MYBBP1A: variants seen among roughly 807,000 people sequenced by gnomAD.
MYBBP1A encodes myb-binding protein 1A.
Under a neutral mutation model 136.3 loss-of-function variants are expected in MYBBP1A, and 147 were observed. The observed-to-expected ratio is 1.08, with a 90% CI of 0.94 to 1.24. The LOEUF is 1.24. Ranked by LOEUF, MYBBP1A falls within the 50% of genes most tolerant of loss-of-function variation. MYBBP1A has a pLI of 0.00. For synonymous variants in MYBBP1A, 947 were observed against 735.8 expected (o/e 1.29, Z -4.65); for missense variants, 2,060 against 1,727.4 (o/e 1.19, Z -3.41).
chr17:4,544,498 C>T lies in MYBBP1A; in HGVS notation c.2630G>A (p.Arg877His), dbSNP rs368435100. 3.0e-5 allele frequency: 46 copies of T among 1,549,730 alleles called. 1 individual carries two copies. The highest frequency in any genetic ancestry group is 1.8e-4 in the Middle Eastern group (1 of 5,510). Residue 877 changes from arginine (R) to histidine (H), a missense_variant, in exon 19 of 26, where the codon CGC (arginine) becomes CAC (histidine). Physicochemically the swap from Arg to His is conservative, Grantham distance 29. Transcript: ENST00000254718. ...QEQDLLHKTA[R>H]IFTHHLCRAR... ...GCACCCCCGTGCTCACGTGAAGATG[C>T]GCGCCGTCTTGTGCAGAAGGTCCTG...
At position 4,545,127 on chromosome 17, in the gene MYBBP1A, C is replaced by A; in HGVS notation, c.2209G>T (p.Glu737Ter). ...TCCTCGCTCTCCTCCCCCTCGCTCT[C>A]CTCTTCACTCTCTGAGCTTCTGTTG... ...EDNRSSESEE[E>*]SEGEESEEEE... The change falls in exon 17 of 26, where the codon GAG (glutamate) becomes TAG (stop). Residue 737 changes from glutamate to a stop codon, truncating the protein, a stop_gained. Coordinates refer to ENST00000254718, the MANE Select transcript of MYBBP1A (RefSeq NM_014520.4). LOFTEE classifies it high-confidence loss of function. 6.2e-7 allele frequency: 1 copy of A among 1,612,806 alleles called. No individual in the cohort carries two copies. Among genetic ancestry groups the A allele is most frequent in the African/African-American group, 1.3e-5 (1 of 74,882 alleles).
At position 4,552,253 on chromosome 17, in the gene MYBBP1A, C is replaced by T. The variant is rs147930403; in HGVS notation, c.777G>A (p.Lys259=). The part of the protein sequence containing the change: ...NVLKMAASSV[K]KDRKLPAIAL... ...CAATGGCGGGCAGCTTGCGGTCCTTCTTCACAGAGGAGGCGGCCATCTTCA... is the reference window on the plus strand; with the variant it reads ...CAATGGCGGGCAGCTTGCGGTCCTTTTTCACAGAGGAGGCGGCCATCTTCA... The change falls in exon 7 of 26, where the codon AAG becomes AAA. Residue 259 remains lysine (K), a synonymous_variant. Transcript: ENST00000254718. This position sits in a 1 kb window ranked among gnomAD's most constrained non-coding sequence, Gnocchi z 4.7. 3 of 1,614,076 alleles carry T rather than the reference C, an allele frequency of 1.9e-6. 1 individual carries two copies. The South Asian group carries it at 3.3e-5, about 18-fold the overall frequency.
chr17:4,544,523 G>A lies in MYBBP1A; in HGVS notation c.2605C>T (p.Gln869Ter). ...CGCGCCGTCTTGTGCAGAAGGTCCT[G>A]CTCCTGTTTGGAGCTGCTGCTGCGC... ...SLRSSSSKQE[Q>*]DLLHKTARIF... is the part of the protein sequence containing the mutation. The change falls in exon 19 of 26, where the codon CAG (glutamine) becomes TAG (stop). Residue 869 changes from glutamine (Q) to a stop codon, truncating the protein, a stop_gained. Transcript: ENST00000254718. LOFTEE classifies it high-confidence loss of function. 2 of 1,553,952 alleles carry A rather than the reference G, an allele frequency of 1.3e-6. No individual in the cohort carries two copies. The highest frequency in any genetic ancestry group is 1.4e-5 in the African/African-American group (1 of 73,360).
At chr17:4,550,539 A>G (rs1402682003) in intron 8 of MYBBP1A, among the ~76,000 whole-genome samples, 186 bp from the exon 9 acceptor site, 1 of 152,260 alleles carries the variant, frequency 6.6e-6, no homozygotes, top group Non-Finnish European at 1.5e-5. Flanking sequence ...CCTGTTGTAC[A>G]CAGCTAGGCT....
rs1567600829 is a variant in MYBBP1A at position 4,539,381 on chromosome 17, G to A, written c.*34C>T. ...AAAAAAATAGGCGTCTCAGGCAGAT[G>A]GAGGCAGGGGCTGAGGGGGGCCCGT... On this transcript the variant is annotated 3_prime_UTR_variant, in exon 26 of 26. Transcript: ENST00000254718. 3 of 1,540,896 alleles carry A rather than the reference G, an allele frequency of 1.9e-6. No homozygotes were observed. The highest frequency in any genetic ancestry group is 2.3e-5 in the East Asian group (1 of 43,636).
chr17:4,539,676 G>A lies in MYBBP1A; in HGVS notation c.3726C>T (p.Pro1242=). The A allele has an allele frequency of 1.2e-6, 2 of 1,609,772 alleles. No individual in the cohort carries two copies. The highest frequency in any genetic ancestry group is 2.2e-5 in the East Asian group (1 of 44,752). The stretch of plus-strand genomic sequence containing the variant: ...GTTTTGGGGATTTGGCAGGGGTGCT[G>A]GGGCTCCGGGTGGGGGCGCCAGGGG... ...SPAPGAPTRS[P]STPAKSPKLQ... The change falls in exon 26 of 26, where the codon CCC becomes CCT. Residue 1242 remains proline (P), a synonymous_variant. Transcript: ENST00000254718.
Position 4,550,230 on chromosome 17 carries a change from G to C in MYBBP1A, c.1147C>G (p.Gln383Glu). 2 of 1,613,804 alleles carry C rather than the reference G, an allele frequency of 1.2e-6. No individual in the cohort carries two copies. The highest frequency in any genetic ancestry group is 1.7e-6 in the Non-Finnish European group (2 of 1,180,040). ...VLVAFSSVTN[Q>E]GLPVTPTFWR... ...AAAGTAGGCGTGACAGGGAGGCCTT[G>C]GTTGGTGACAGATGAGAAGGCCACT... is the stretch of plus-strand genomic sequence containing the variant. Residue 383 changes from glutamine (Q) to glutamate (E), a missense_variant, in exon 9 of 26, where the codon CAA becomes GAA. Gln to Glu is a conservative substitution (Grantham distance 29). Coordinates refer to ENST00000254718, the MANE Select transcript of MYBBP1A (RefSeq NM_014520.4).
Position 4,555,253 on chromosome 17 carries a change from G to A in MYBBP1A, c.72C>T (p.Asp24=), listed in dbSNP as rs751250278. 3 of 1,612,164 alleles carry A rather than the reference G, an allele frequency of 1.9e-6. No individual in the cohort carries two copies. The highest frequency in any genetic ancestry group is 1.3e-5 in the African/African-American group (1 of 75,054). Residue 24 remains aspartate (D), a synonymous_variant, in exon 1 of 26, where the codon GAC becomes GAT. Coordinates refer to ENST00000254718, the MANE Select transcript of MYBBP1A (RefSeq NM_014520.4). ...GACTGTGCTTCAATAGGCCATAGCG[G>A]TCGGCAGGCCGGGCGCCACTCTGCG... ...EATQSGARPA[D]RYGLLKHSRE... is the part of the protein sequence containing the mutation.
chr17:4,548,796 G>T lies in MYBBP1A; in HGVS notation c.1431-147C>A. On this transcript the variant is annotated intron_variant, in intron 10 of 25. Transcript: ENST00000254718. This position sits in a 1 kb window ranked among gnomAD's most constrained non-coding sequence, Gnocchi z 4.2. ...GGGTACAGTCCTCGGGGGCCTGACG[G>T]GCAAGGCTGGAGGGGGCTGGGCTGG... The T allele has an allele frequency of 1.8e-6, 2 of 1,140,698 alleles. No homozygotes were observed. The highest frequency in any genetic ancestry group is 2.6e-5 in the Admixed American group (1 of 38,708). The allele number at this position is 1,140,698 out of a possible 1,614,324, so 70.7% of individuals were successfully genotyped here. A position where few individuals can be genotyped will look rare whatever the true frequency, so the allele number is the denominator to read the frequency against.
chr17:4,549,640 G>C (rs1414560885), intron 9 of MYBBP1A, among the ~76,000 whole-genome samples, 198 bp from the exon 10 acceptor site: 1 of 152,036 alleles, frequency 6.6e-6, no homozygotes. Flanking sequence ...AGCTGGGTGT[G>C]GTGGCGGGTG....
chr17:4,551,687 C>T (rs1012923600), intron 8 of MYBBP1A, among the ~76,000 whole-genome samples, 193 bp downstream of exon 8: 7 of 151,724 alleles, frequency 4.6e-5, no homozygotes, highest in South Asian at 4.2e-4. Context: ...CCAGCCTGGG[C>T]GACAAGAGCA....
In MYBBP1A at chr17:4,551,960, G is replaced by A. The variant is rs757994601; in HGVS notation, c.943C>T (p.Leu315=). 3 of 1,612,172 alleles carry A rather than the reference G, an allele frequency of 1.9e-6. No homozygotes were observed. Among genetic ancestry groups the A allele is most frequent in the Non-Finnish European group, 2.5e-6 (3 of 1,178,884 alleles). The part of the protein sequence containing the change: ...CFRLLGAALP[L]LTKEQLHLVM... ...AGGTGCAGCTGCTCCTTGGTCAGCAGGGGCAGGGCCGCGCCCAGCAGGCGG... is the reference window on the plus strand; with the variant it reads ...AGGTGCAGCTGCTCCTTGGTCAGCAAGGGCAGGGCCGCGCCCAGCAGGCGG... The change falls in exon 8 of 26, where the codon CTG becomes TTG. Residue 315 remains leucine, a synonymous_variant. Coordinates refer to ENST00000254718, the MANE Select transcript of MYBBP1A (RefSeq NM_014520.4).
rs1481050605 is a variant in MYBBP1A at position 4,545,962 on chromosome 17, C to T, written c.1825-20G>A. On this transcript the variant is annotated intron_variant, in intron 13 of 25. Transcript: ENST00000254718. ...AGGGGACTGCGGGCAGGGTAGGACA[C>T]ACACTGGGGCCAGGCCCTGTCCCCA... 7 of 1,607,014 alleles carry T rather than the reference C, an allele frequency of 4.4e-6. No homozygotes were observed. The highest frequency in any genetic ancestry group is 2.2e-5 in the East Asian group (1 of 44,804).
At position 4,555,345 on chromosome 17, in the gene MYBBP1A, C is replaced by T. The variant is rs773285367; in HGVS notation, c.-21G>A. 19 of 1,582,452 alleles carry T rather than the reference C, an allele frequency of 1.2e-5. No individual in the cohort carries two copies. In the East Asian group the frequency reaches 3.2e-4, roughly 27 times the overall value. ...TCCATCTCCGCCACACTCACCGAAA[C>T]ACGAAACACGTGTGCTCCGGCCCCA... On this transcript the variant is annotated 5_prime_UTR_variant, in exon 1 of 26. Transcript: ENST00000254718.
chr17:4,548,704 C>G lies in MYBBP1A; in HGVS notation c.1431-55G>C. ...ATTCACTGCCATTGGTTTTTACAGG[C>G]TCCCCTCCTTGGATGGTACCACCGA... On this transcript the variant is annotated intron_variant, in intron 10 of 25. Transcript: ENST00000254718. This position sits in a 1 kb window ranked among gnomAD's most constrained non-coding sequence, Gnocchi z 4.2. 6.2e-7 allele frequency: 1 copy of G among 1,608,942 alleles called. No homozygotes were observed. Among genetic ancestry groups the G allele is most frequent in the Non-Finnish European group, 8.5e-7 (1 of 1,177,440 alleles).
chr17:4,547,055 G>T lies in MYBBP1A; in HGVS notation c.1824+903C>A, dbSNP rs148913894. Among the ~76,000 whole-genome samples, 316 of 152,098 alleles carry T rather than the reference G, an allele frequency of 2.1e-3. 1 individual carries two copies. The highest frequency in any genetic ancestry group is 6.3e-3 in the African/African-American group (260 of 41,476). On this transcript the variant is annotated intron_variant, in intron 13 of 25. Coordinates refer to ENST00000254718, the MANE Select transcript of MYBBP1A (RefSeq NM_014520.4). ...CCCTCCTGAGTAGCTGGGATTACAGGCACCTGCCACCACACCTGGCTAATT... is the reference window on the plus strand; with the variant it reads ...CCCTCCTGAGTAGCTGGGATTACAGTCACCTGCCACCACACCTGGCTAATT...
chr17:4,545,277 C>T lies in MYBBP1A; in HGVS notation c.2142G>A (p.Arg714=), dbSNP rs1906898796. ...RVVVTDDSDE[R]RLKGAEDKSE... is the part of the protein sequence containing the mutation. ...GCAACACCTCTGCACCCTTCAGCCG[C>T]CGCTCATCAGAATCGTCCGTCACCA... The change falls in exon 16 of 26, where the codon CGG becomes CGA. Residue 714 remains arginine (R), a synonymous_variant. Coordinates refer to ENST00000254718, the MANE Select transcript of MYBBP1A (RefSeq NM_014520.4). 3 of 1,612,982 alleles carry T rather than the reference C, an allele frequency of 1.9e-6. No homozygotes were observed. The highest frequency in any genetic ancestry group is 1.1e-5 in the South Asian group (1 of 91,036).
At position 4,548,372 on chromosome 17, in the gene MYBBP1A, C is replaced by T. The variant is rs1162659813; in HGVS notation, c.1557-62G>A. 2.0e-5 allele frequency: 32 copies of T among 1,602,928 alleles called. No homozygotes were observed. Among genetic ancestry groups the T allele is most frequent in the Middle Eastern group, 1.7e-4 (1 of 5,950 alleles). The stretch of plus-strand genomic sequence containing the variant: ...ATGAGTCAATGTAGCCGCCTCCCTC[C>T]GCCCTCCCCAGGGCTCGGTCTCCCG... On this transcript the variant is annotated intron_variant, in intron 11 of 25. Coordinates refer to ENST00000254718, the MANE Select transcript of MYBBP1A (RefSeq NM_014520.4). The surrounding 1 kb of genome is among the most constrained non-coding windows in gnomAD (Gnocchi z 4.2).
intron 8 of MYBBP1A, 86 bp downstream of exon 8, chr17:4,551,794 C>T: frequency 8.3e-7 from 1 of 1,207,666 alleles, no homozygotes; most frequent in African/African-American, 1.5e-5. Context: ...TAGCCAAGCC[C>T]CCGAGGTGCC....
Sources: gnomAD v4.1 joint callset for allele counts (sites outside exome capture counted in the v4.1 genomes callset) on GRCh38, gnomAD v4.1.1 for gene constraint, Gnocchi (gnomAD v3.1) non-coding constraint, MANE v1.5 for transcripts, NCBI Gene and HGNC (gene_info 2026-07-23, HGNC 2026-07-21) for gene names.